The following POLN variants were observed in gnomAD, a reference collection of about 807,000 sequenced individuals.
POLN encodes the protein DNA polymerase nu, also known as DNA polymerase N.
In POLN, 108 loss-of-function variants were observed where a neutral mutation model predicts 113.5. The ratio of observed to expected loss-of-function variants is 0.95; its 90% CI spans 0.81 to 1.12. The LOEUF is 1.12. Ranked by LOEUF, POLN falls within the 50% of genes most tolerant of loss-of-function variation. The pLI, the probability that POLN is intolerant of heterozygous loss-of-function variation, is 0.00. For synonymous variants in POLN, 386 were observed against 391.5 expected (o/e 0.99, Z 0.17); for missense variants, 1,097 against 1,077.1 (o/e 1.02, Z -0.26).
chr4:2,156,812 A>G lies in POLN; in HGVS notation c.1707T>C (p.Thr569=). Residue 569 remains threonine, a synonymous_variant, in exon 16 of 26, where the codon ACT becomes ACC. Coordinates refer to ENST00000511885, the MANE Select transcript of POLN (RefSeq NM_181808.4). ...CAGGATGCTTGGCTGAAAGTCTTCC[A>G]GTCACAGTTCCAGTCTGATTCCATG... is the stretch of plus-strand genomic sequence containing the variant. ...SSTWNQTGTV[T]GRLSAKHPNI... is the part of the protein sequence containing the mutation. 3 of 1,613,366 alleles carry G rather than the reference A, an allele frequency of 1.9e-6. No homozygotes were observed. The highest frequency in any genetic ancestry group is 1.7e-5 in the Admixed American group (1 of 60,032).
intron 20 of POLN, among the ~76,000 whole-genome samples, chr4:2,092,825 G>A (rs984859906): frequency 1.1e-4 from 17 of 152,224 alleles, no homozygotes; most frequent in East Asian, 3.8e-4. Flanking sequence ...CAGCAGCCTG[G>A]GAGGCCTGGC....
chr4:2,189,797 A>G (rs1331758635), intron 7 of POLN, among the ~76,000 whole-genome samples: 3 of 147,158 alleles, frequency 2.0e-5, no homozygotes, highest in South Asian at 2.2e-4. Flanking sequence ...TTAGGAGACC[A>G]AGGCGGGTGG....
At chr4:2,220,816 G>T (rs1211969508) in intron 3 of POLN, among the ~76,000 whole-genome samples, 1 of 152,128 alleles carries the variant, frequency 6.6e-6, no homozygotes, top group Non-Finnish European at 1.5e-5. Context: ...GAGAGGAGGA[G>T]GGGGCCGCAA....
rs767494698 is a variant in POLN at position 2,173,970 on chromosome 4, C to T, written c.1359G>A (p.Thr453=). Residue 453 remains threonine (T), a synonymous_variant, in exon 11 of 26, where the codon ACG becomes ACA. Transcript: ENST00000511885. ...AATAACTTACCCCAAGAAGTGCTGA[C>T]GTCTTCTCCATCTCCTCTTTGTTCA... is the stretch of plus-strand genomic sequence containing the variant. ...IQVNKEEMEK[T]SALLGARLKE... 6.5e-5 allele frequency: 105 copies of T among 1,613,462 alleles called. 2 individuals are homozygous for T. In the South Asian group the frequency reaches 1.1e-3, roughly 16 times the overall value.
chr4:2,231,858 T>C, intron 2 of POLN: 1 of 687,238 alleles, frequency 1.5e-6, no homozygotes. Flanking sequence ...AATTTAGTAG[T>C]GTTTATTATA....
intron 5 of POLN, among the ~76,000 whole-genome samples, chr4:2,201,111 C>CA (rs894761007): frequency 1.3e-5 from 2 of 151,174 alleles, no homozygotes; most frequent in Non-Finnish European, 3.0e-5. Context: ...ACTAAAAATA[C>CA]AAAAAATTAG....
chr4:2,189,982 G>A (rs1008385259), intron 7 of POLN, among the ~76,000 whole-genome samples: 5 of 141,700 alleles, frequency 3.5e-5, no homozygotes, highest in East Asian at 2.1e-4. Flanking sequence ...CTGAGATCAC[G>A]CCACTGCAAT....
Position 2,127,361 on chromosome 4 carries a change from ACTC to A in POLN, c.1982+749_1982+751del, listed in dbSNP as rs1243922469. 6.7e-6 allele frequency among the ~76,000 whole-genome samples: 1 copy of A among 150,276 alleles called. No homozygotes were observed. The highest frequency in any genetic ancestry group is 1.5e-5 in the Non-Finnish European group (1 of 67,574). ...ATGTATAAGCCAAACACAATAATCC[ACTC>A]CTCCTTTTTTCTGGAGTATAATCTC... On this transcript the variant is annotated intron_variant, in intron 19 of 25. Coordinates refer to ENST00000511885, the MANE Select transcript of POLN (RefSeq NM_181808.4). The surrounding 1 kb of genome is among the most constrained non-coding windows in gnomAD (Gnocchi z 4.7).
intron 15 of POLN, 38 bp from the exon 16 acceptor site, chr4:2,156,891 A>G (rs1237756093): frequency 1.3e-6 from 2 of 1,515,688 alleles, no homozygotes. Flanking sequence ...AACTCCAGCA[A>G]TGCTATGTGA....
chr4:2,131,019 A>AT (rs1731714325), intron 17 of POLN, among the ~76,000 whole-genome samples: 1 of 152,226 alleles, frequency 6.6e-6, no homozygotes, highest in Non-Finnish European at 1.5e-5. Flanking sequence ...TCCACAAAAA[A>AT]TACACACACA....
At chr4:2,195,053 A>T (rs138320893) in intron 6 of POLN, among the ~76,000 whole-genome samples, 2 of 152,198 alleles carry the variant, frequency 1.3e-5, no homozygotes, top group African/African-American at 4.8e-5. Flanking sequence ...GTGAAGGGAG[A>T]GTGTGTATGT....
rs774885213 is a variant in POLN, at chr4:2,208,425, GA to G, written c.275del (p.Phe92SerfsTer21). ...RGSAKLSPQS[F>X]SVRLTDQLSA... is the part of the protein sequence containing the mutation. ...ACAGCTGATCTGTGAGCCTGACACT[GA>G]AGGACTGAGGAGACAGCTTGGCAGA... On this transcript the variant is annotated frameshift_variant, in exon 5 of 26. Coordinates refer to ENST00000511885, the MANE Select transcript of POLN (RefSeq NM_181808.4). LOFTEE classifies it high-confidence loss of function. The G allele has an allele frequency of 6.2e-7, 1 of 1,602,956 alleles. No homozygotes were observed. Among genetic ancestry groups the G allele is most frequent in the South Asian group, 1.1e-5 (1 of 88,370 alleles).
intron 3 of POLN, among the ~76,000 whole-genome samples, chr4:2,226,865 A>G (rs1433223206): frequency 1.3e-5 from 2 of 152,264 alleles, no homozygotes; most frequent in Non-Finnish European, 2.9e-5. Context: ...AGAATTTGAC[A>G]TAACAGCTCA....
intron 2 of POLN, among the ~76,000 whole-genome samples, chr4:2,233,714 A>G (rs1286725180): frequency 1.3e-5 from 2 of 152,234 alleles, no homozygotes; most frequent in Non-Finnish European, 2.9e-5. Context: ...ATGTCTACCT[A>G]CATCTAAAAA....
chr4:2,208,273 T>C lies in POLN; in HGVS notation c.428A>G (p.Asn143Ser), dbSNP rs1232795460. ...GHKRKHFLME[N>S]INNENKGSIN... ...GCTTCCTTTATTTTCATTATTTATA[T>C]TCTCCATTAGGAAATGCTTTCTTTT... Residue 143 changes from asparagine (N) to serine (S), a missense_variant, in exon 5 of 26, where the codon AAT (asparagine) becomes AGT (serine). Transcript: ENST00000511885. The C allele has an allele frequency of 1.9e-6, 3 of 1,589,604 alleles. No homozygotes were observed. Among genetic ancestry groups the C allele is most frequent in the Non-Finnish European group, 2.6e-6 (3 of 1,162,588 alleles).
chr4:2,174,132 T>C, intron 10 of POLN, 113 bp from the exon 11 acceptor site: 3 of 981,200 alleles, frequency 3.1e-6, no homozygotes, highest in Non-Finnish European at 4.8e-6. Context: ...TGCCATTTAC[T>C]CAGCACCTGC....
At chr4:2,198,845 A>G (rs997571976) in intron 5 of POLN, 128 bp from the exon 6 acceptor site, 28 of 960,378 alleles carry the variant, frequency 2.9e-5, no homozygotes, top group Non-Finnish European at 3.1e-5. Context: ...ATAGTTTTTT[A>G]ATGACAATTG....
At chr4:2,188,477 T>TGTAGTCCC (rs1468690806) in intron 7 of POLN, among the ~76,000 whole-genome samples, 5 of 151,918 alleles carry the variant, frequency 3.3e-5, no homozygotes, top group Non-Finnish European at 5.9e-5. Flanking sequence ...GGCGGGCGCC[T>TGTAGTCCC]GTAGTCCCAG....
At chr4:2,155,098 G>A (rs927340803) in intron 16 of POLN, among the ~76,000 whole-genome samples, 1 of 152,132 alleles carries the variant, frequency 6.6e-6, no homozygotes, top group Non-Finnish European at 1.5e-5. Flanking sequence ...AAAAACAAAA[G>A]CAAGGACCTC....
Sources: allele counts gnomAD v4.1 joint callset (sites outside exome capture counted in the v4.1 genomes callset), GRCh38; gene constraint gnomAD v4.1.1; non-coding constraint Gnocchi (gnomAD v3.1); transcripts MANE v1.5; gene names NCBI Gene and HGNC (gene_info 2026-07-23, HGNC 2026-07-21).